EXOC4: variants seen among roughly 807,000 people sequenced by gnomAD.
EXOC4 encodes the protein exocyst complex component 4.
In EXOC4, 71 loss-of-function variants were observed where a neutral mutation model predicts 107.2. The observed-to-expected ratio is 0.66, with a 90% CI of 0.55 to 0.81. The LOEUF (loss-of-function observed/expected upper bound fraction) is 0.81. Among genes scored for constraint, EXOC4 ranks in the 30% least tolerant of loss-of-function variants. The pLI is 0.00. For missense variants in EXOC4, 1,108 were observed against 1,189.6 expected (o/e 0.93, Z 1.01); for synonymous variants, 456 against 441.2 (o/e 1.03, Z -0.42).
chr7:133,879,759 G>A (rs964737533), intron 11 of EXOC4, among the ~76,000 whole-genome samples: 11 of 152,104 alleles, frequency 7.2e-5, no homozygotes, highest in African/African-American at 1.9e-4. Context: ...TCTTTGACAC[G>A]CCCTTTAATA....
intron 9 of EXOC4, among the ~76,000 whole-genome samples, chr7:133,511,287 A>G (rs904381965): frequency 6.6e-6 from 1 of 152,318 alleles, no homozygotes; most frequent in South Asian, 2.1e-4. Flanking sequence ...TACAATTTTA[A>G]CAAAGGGTAC....
intron 3 of EXOC4, among the ~76,000 whole-genome samples, chr7:133,293,408 A>C (rs1264460430): frequency 6.6e-6 from 1 of 152,214 alleles, no homozygotes; most frequent in East Asian, 1.9e-4. Flanking sequence ...ATCTTTGCTA[A>C]AAGACATCAG....
chr7:133,571,531 A>C (rs969529890), intron 9 of EXOC4, among the ~76,000 whole-genome samples: 5 of 152,044 alleles, frequency 3.3e-5, no homozygotes, highest in African/African-American at 1.2e-4. Context: ...TTAGCCAGGC[A>C]TGGTGTCATG....
At chr7:133,504,325 G>C (rs1799629233) in intron 9 of EXOC4, among the ~76,000 whole-genome samples, 2 of 152,166 alleles carry the variant, frequency 1.3e-5, no homozygotes, top group East Asian at 3.9e-4. Flanking sequence ...ATTATTTAGT[G>C]GAGTAGAAAA....
chr7:133,817,727 G>C (rs1159709673), intron 11 of EXOC4, among the ~76,000 whole-genome samples, 183 bp downstream of exon 11: 1 of 151,460 alleles, frequency 6.6e-6, no homozygotes, highest in African/African-American at 2.4e-5. Flanking sequence ...AGTTCCTTAA[G>C]ATCTTTAAGG....
intron 10 of EXOC4, among the ~76,000 whole-genome samples, chr7:133,808,401 C>T (rs1167376245): frequency 6.6e-6 from 1 of 151,956 alleles, no homozygotes; most frequent in African/African-American, 2.4e-5. Context: ...TGAATGAGTC[C>T]CTTGTAAATC....
chr7:133,999,634 A>G (rs1178666621), intron 15 of EXOC4, among the ~76,000 whole-genome samples: 1 of 152,220 alleles, frequency 6.6e-6, no homozygotes, highest in Non-Finnish European at 1.5e-5. Flanking sequence ...AATGAAAAAT[A>G]CCAAGTAATA....
chr7:133,916,508 A>G (rs1799811320), intron 12 of EXOC4, among the ~76,000 whole-genome samples: 2 of 150,606 alleles, frequency 1.3e-5, no homozygotes, highest in Admixed American at 1.3e-4. Context: ...GCCTCAAGCA[A>G]TCCTCCTGCC....
At chr7:133,964,119 A>C (rs1801008247) in intron 14 of EXOC4, among the ~76,000 whole-genome samples, 1 of 152,184 alleles carries the variant, frequency 6.6e-6, no homozygotes. Flanking sequence ...AAGAACTTTA[A>C]GTTCTTAGAA....
At chr7:133,532,760 T>C (rs2150923183) in intron 9 of EXOC4, among the ~76,000 whole-genome samples, 1 of 152,192 alleles carries the variant, frequency 6.6e-6, no homozygotes, top group South Asian at 2.1e-4. Flanking sequence ...AATTGACTTA[T>C]TTAGCAGCAA....
At chr7:133,397,660 A>T (rs10282574) in intron 7 of EXOC4, among the ~76,000 whole-genome samples, 150,804 of 152,296 alleles carry the variant, frequency 0.99, 74,679 homozygotes, top group Middle Eastern at 1. Flanking sequence ...ATTCCATTTA[A>T]CTTTTCTGTT....
chr7:133,762,323 A>G (rs527671484), intron 10 of EXOC4, among the ~76,000 whole-genome samples: 217 of 152,308 alleles, frequency 1.4e-3, no homozygotes, highest in African/African-American at 5.0e-3. Context: ...TAAAAATCAA[A>G]TGACATCAGG....
chr7:133,972,173 A>G (rs1260652285), intron 14 of EXOC4, among the ~76,000 whole-genome samples: 2 of 152,222 alleles, frequency 1.3e-5, no homozygotes, highest in African/African-American at 2.4e-5. Flanking sequence ...GGTATGAACC[A>G]TCTTTAACCA....
intron 10 of EXOC4, among the ~76,000 whole-genome samples, chr7:133,677,235 G>A (rs996760961): frequency 8.5e-5 from 13 of 152,070 alleles, no homozygotes; most frequent in Non-Finnish European, 1.8e-4. Flanking sequence ...CCGTTAAGAT[G>A]TATTGTTGTT....
the EXOC4 span, among the ~76,000 whole-genome samples, chr7:134,079,024 G>A: frequency 6.6e-6 from 1 of 152,158 alleles, no homozygotes; most frequent in African/African-American, 2.4e-5. Flanking sequence ...GACTGATCTA[G>A]GGCAATTTGA....
chr7:133,594,658 T>C lies in EXOC4; in HGVS notation c.1418-35387T>C, dbSNP rs550291275. ...ACAGGTGCATGCCACCACGCCCAGC[T>C]AATTTTTGTATTTTTAGTAGAGATG... On this transcript the variant is annotated intron_variant, in intron 9 of 17. Transcript: ENST00000253861. Among the ~76,000 whole-genome samples the C allele has an allele frequency of 1.3e-4, 20 of 152,150 alleles. No individual in the cohort carries two copies. In the East Asian group the frequency reaches 3.9e-3, roughly 29 times the overall value.
intron 7 of EXOC4, among the ~76,000 whole-genome samples, chr7:133,442,555 T>G (rs1173162215): frequency 6.6e-6 from 1 of 151,878 alleles, no homozygotes; most frequent in Non-Finnish European, 1.5e-5. Flanking sequence ...CTCAGGCTAG[T>G]GGGGATGGGG....
At chr7:133,284,626 G>T (rs1383730917) in intron 2 of EXOC4, among the ~76,000 whole-genome samples, 1 of 152,260 alleles carries the variant, frequency 6.6e-6, no homozygotes, top group Admixed American at 6.5e-5. Flanking sequence ...CCGCCTCCTG[G>T]ATTCATGCAA....
chr7:133,465,043 T>TTCC (rs1798694926), intron 7 of EXOC4, among the ~76,000 whole-genome samples: 1 of 151,822 alleles, frequency 6.6e-6, no homozygotes, highest in South Asian at 2.1e-4. Flanking sequence ...TGGTCTTGAA[T>TTCC]TCCTGGCCTC....
Sources: gnomAD v4.1 joint callset for allele counts (sites outside exome capture counted in the v4.1 genomes callset) on GRCh38, gnomAD v4.1.1 for gene constraint, MANE v1.5 for transcripts, NCBI Gene and HGNC (gene_info 2026-07-23, HGNC 2026-07-21) for gene names.